Variants in PHC3 observed in about 807,000 individuals in gnomAD.
The protein encoded by PHC3 is polyhomeotic-like protein 3.
Under a neutral mutation model 107.4 loss-of-function variants are expected in PHC3, and 13 were observed. That is an observed-to-expected ratio of 0.12 (90% CI 0.08 to 0.19). The LOEUF (loss-of-function observed/expected upper bound fraction) is 0.19. PHC3 is among the 10% of genes least tolerant of loss of function. The probability of loss-of-function intolerance (pLI) is 1.00; values close to 1 mark genes in which losing one functional copy is unlikely to be tolerated. For synonymous variants in PHC3, 456 were observed against 427.4 expected (o/e 1.07, Z -0.83); for missense variants, 992 against 1,210.9 (o/e 0.82, Z 2.68).
intron 7 of PHC3, among the ~76,000 whole-genome samples, chr3:170,131,455 C>T (rs927518594): frequency 3.9e-5 from 6 of 152,076 alleles, no homozygotes; most frequent in Non-Finnish European, 8.8e-5. Flanking sequence ...GCAAGCATAA[C>T]AGCAAGGGCC....
chr3:170,144,697 C>T (rs1577144487), intron 6 of PHC3, among the ~76,000 whole-genome samples: 1 of 152,200 alleles, frequency 6.6e-6, no homozygotes, highest in South Asian at 2.1e-4. Flanking sequence ...TGGTGATACT[C>T]ATTGTGGTTT....
chr3:170,099,589 C>T (rs1331740297), intron 14 of PHC3, among the ~76,000 whole-genome samples: 1 of 152,150 alleles, frequency 6.6e-6, no homozygotes, highest in Non-Finnish European at 1.5e-5. Flanking sequence ...GCTGAGCTAG[C>T]TTCACCTCAC....
At chr3:170,174,214 TAAAAATA>T (rs1273234595) in intron 2 of PHC3, among the ~76,000 whole-genome samples, 1 of 151,500 alleles carries the variant, frequency 6.6e-6, no homozygotes, top group Non-Finnish European at 1.5e-5. Context: ...AATAATAAAA[TAAAAATA>T]AAAAATAAAA....
intron 8 of PHC3, among the ~76,000 whole-genome samples, chr3:170,126,218 G>C (rs1395691839): frequency 6.6e-6 from 1 of 151,742 alleles, no homozygotes; most frequent in East Asian, 1.9e-4. Flanking sequence ...TATAACCTGT[G>C]AAGAAATGTG....
chr3:170,173,672 C>T (rs1729967087), intron 2 of PHC3, among the ~76,000 whole-genome samples: 2 of 152,112 alleles, frequency 1.3e-5, no homozygotes, highest in South Asian at 2.1e-4. Flanking sequence ...GTGTACATTG[C>T]TGATACCGAT....
intron 4 of PHC3, among the ~76,000 whole-genome samples, chr3:170,162,224 G>A (rs1415139155): frequency 6.6e-6 from 1 of 152,134 alleles, no homozygotes; most frequent in Non-Finnish European, 1.5e-5. Context: ...AAGTACTCTT[G>A]TGACATGAAT....
At chr3:170,142,610 A>T (rs1430828964) in intron 6 of PHC3, among the ~76,000 whole-genome samples, 2 of 152,212 alleles carry the variant, frequency 1.3e-5, no homozygotes, top group East Asian at 3.8e-4. Context: ...CTGAAGTAGG[A>T]GCTTAAGTCC....
Position 170,092,924 on chromosome 3 carries a change from C to T in PHC3, c.*4306G>A, listed in dbSNP as rs897588541. ...AACTATAACCTATTTACTGCTATAACTGGCATCTAACAAAACGCATTATTT... is the reference window on the plus strand; with the variant it reads ...AACTATAACCTATTTACTGCTATAATTGGCATCTAACAAAACGCATTATTT... On this transcript the variant is annotated 3_prime_UTR_variant, in exon 15 of 15. Coordinates refer to ENST00000495893, the MANE Select transcript of PHC3 (RefSeq NM_024947.4). 1 of 152,196 alleles carries T rather than the reference C, an allele frequency of 6.6e-6. No homozygotes were observed. The highest frequency in any genetic ancestry group is 1.9e-4 in the East Asian group (1 of 5,198). 9.4% of individuals were successfully genotyped at this position (152,196 alleles called of 1,614,324 possible). A position where few individuals can be genotyped will look rare whatever the true frequency, so the allele number is the denominator to read the frequency against.
At position 170,181,720 on chromosome 3, in the gene PHC3, T is replaced by G. The variant is rs764650377; in HGVS notation, c.-5A>C. 6.8e-6 allele frequency: 11 copies of G among 1,612,792 alleles called. No individual in the cohort carries two copies. In the South Asian group the frequency reaches 1.2e-4, roughly 18 times the overall value. The stretch of plus-strand genomic sequence containing the variant: ...CACTCACTCCGCTTCCGCCATCTTC[T>G]CTCCTCCATCACTAACATGGGCTGC... On this transcript the variant is annotated 5_prime_UTR_variant, in exon 1 of 15. Transcript: ENST00000495893.
intron 12 of PHC3, among the ~76,000 whole-genome samples, chr3:170,105,594 AC>A (rs1376123478): frequency 6.6e-6 from 1 of 152,194 alleles, no homozygotes; most frequent in Non-Finnish European, 1.5e-5. Flanking sequence ...ATAATCTGTA[AC>A]GATCAAATCA....
intron 12 of PHC3, 52 bp downstream of exon 12, chr3:170,106,768 TTTTTTGGTTTAG>T (rs1253064651): frequency 3.5e-5 from 38 of 1,079,192 alleles, no homozygotes; most frequent in Non-Finnish European, 4.9e-5. Context: ...TATTCAAGGG[TTTTTTGGTTTAG>T]TTGCAATGGC....
chr3:170,122,747 G>A lies in PHC3; in HGVS notation c.1789-3C>T. 3.7e-6 allele frequency: 6 copies of A among 1,613,486 alleles called. No homozygotes were observed. The highest frequency in any genetic ancestry group is 4.2e-6 in the Non-Finnish European group (5 of 1,179,642). On this transcript the variant is annotated splice_region_variant and splice_polypyrimidine_tract_variant and intron_variant, in intron 8 of 14. Coordinates refer to ENST00000495893, the MANE Select transcript of PHC3 (RefSeq NM_024947.4). ...CACACATCTTCTACCTGATAAACCTGCAATGACAAACCATACTGCCTTAAA... is the reference window on the plus strand; with the variant it reads ...CACACATCTTCTACCTGATAAACCTACAATGACAAACCATACTGCCTTAAA...
rs1577076698 is a variant in PHC3 at position 170,128,271 on chromosome 3, T to TA, written c.1788+412_1788+413insT. ...TCTAGGATGCATAAAACTAAAAGGG[T>TA]TAGGCTAGATAAACCATACGTTTTG... On this transcript the variant is annotated intron_variant, in intron 8 of 14. Transcript: ENST00000495893. The TA allele has an allele frequency of 3.7e-5, 36 of 975,416 alleles. No homozygotes were observed. The East Asian group carries it at 2.3e-3, about 63-fold the overall frequency. The allele number at this position is 975,416 out of a possible 1,614,324, so 60.4% of individuals were successfully genotyped here. A position where few individuals can be genotyped will look rare whatever the true frequency, so the allele number is the denominator to read the frequency against.
Position 170,128,738 on chromosome 3 carries a change from C to T in PHC3, c.1734G>A (p.Gln578=). Residue 578 remains glutamine (Q), a synonymous_variant, in exon 8 of 15, where the codon CAG becomes CAA. Coordinates refer to ENST00000495893, the MANE Select transcript of PHC3 (RefSeq NM_024947.4). ...GCACTTGTAGGTTTACCGCAACAGT[C>T]TGTGGAGGAGGAAGAGTCTGAAATG... ...QLPFQTLPPP[Q]TVAVNLQVQP... The T allele has an allele frequency of 6.2e-7, 1 of 1,614,048 alleles. No homozygotes were observed. Among genetic ancestry groups the T allele is most frequent in the Non-Finnish European group, 8.5e-7 (1 of 1,179,890 alleles).
intron 11 of PHC3, among the ~76,000 whole-genome samples, chr3:170,111,330 G>C (rs887212128): frequency 7.0e-6 from 1 of 142,636 alleles, no homozygotes. Flanking sequence ...ACGAACGAAC[G>C]AAAGAACAAA....
rs148980902 is a variant in PHC3 at position 170,181,260 on chromosome 3, C to A, written c.14+442G>T. Among the ~76,000 whole-genome samples the A allele has an allele frequency of 2.2e-3, 334 of 152,294 alleles. 1 individual carries two copies. Among genetic ancestry groups the A allele is most frequent in the African/African-American group, 7.5e-3 (310 of 41,564 alleles). On this transcript the variant is annotated intron_variant, in intron 1 of 14. Coordinates refer to ENST00000495893, the MANE Select transcript of PHC3 (RefSeq NM_024947.4). ...GAGGAGGAGTGGGGTGGCGCCGGGG[C>A]GGGAAGGAGAAGAAGGCGAAGGAGG...
intron 9 of PHC3, among the ~76,000 whole-genome samples, chr3:170,119,882 A>G (rs1354610917): frequency 6.6e-6 from 1 of 152,152 alleles, no homozygotes; most frequent in African/African-American, 2.4e-5. Flanking sequence ...ATATTACAGA[A>G]GAGTAATAAG....
At chr3:170,146,940 T>C (rs1419855588) in intron 5 of PHC3, among the ~76,000 whole-genome samples, 3 of 145,420 alleles carry the variant, frequency 2.1e-5, no homozygotes, top group Non-Finnish European at 4.5e-5. Context: ...TGGAGTGCAA[T>C]GGCGCGATGT....
intron 7 of PHC3, among the ~76,000 whole-genome samples, chr3:170,134,186 G>C (rs546285108): frequency 6.6e-6 from 1 of 151,430 alleles, no homozygotes; most frequent in African/African-American, 2.4e-5. Flanking sequence ...ACTATACTAC[G>C]AATATATATA....
Sources: gnomAD v4.1 joint callset for allele counts (sites outside exome capture counted in the v4.1 genomes callset) on GRCh38, gnomAD v4.1.1 for gene constraint, MANE v1.5 for transcripts, NCBI Gene and HGNC (gene_info 2026-07-23, HGNC 2026-07-21) for gene names.